The following CDH13 variants were observed in gnomAD, a reference collection of about 807,000 sequenced individuals.
The protein encoded by CDH13 is cadherin-13.
Under a neutral mutation model 63.8 loss-of-function variants are expected in CDH13, and 24 were observed. That is an observed-to-expected ratio of 0.38 (90% CI 0.27 to 0.53). The LOEUF is 0.53. CDH13 is among the 20% of genes least tolerant of loss of function. CDH13 has a pLI of 0.85. For synonymous variants in CDH13, 503 were observed against 355.3 expected (o/e 1.42, Z -4.67); for missense variants, 1,049 against 903.1 (o/e 1.16, Z -2.07).
chr16:83,461,262 G>T (rs1317253372), intron 6 of CDH13, among the ~76,000 whole-genome samples: 1 of 151,934 alleles, frequency 6.6e-6, no homozygotes, highest in Non-Finnish European at 1.5e-5. Context: ...AAAATATATA[G>T]CTTTTAATGG....
intron 5 of CDH13, among the ~76,000 whole-genome samples, chr16:83,222,577 T>C (rs564819717): frequency 2.6e-5 from 4 of 152,180 alleles, no homozygotes; most frequent in Non-Finnish European, 5.9e-5. Context: ...GGGATTGTAC[T>C]ACACCTGATT....
chr16:82,901,818 G>A (rs995269105), intron 2 of CDH13, among the ~76,000 whole-genome samples: 1 of 152,174 alleles, frequency 6.6e-6, no homozygotes, highest in African/African-American at 2.4e-5. Flanking sequence ...CCCTCATGGA[G>A]CCTGAAGTCC....
intron 7 of CDH13, among the ~76,000 whole-genome samples, chr16:83,589,498 C>A (rs1906526567): frequency 6.6e-6 from 1 of 151,722 alleles, no homozygotes; most frequent in African/African-American, 2.4e-5. Flanking sequence ...GGGTGGTCTC[C>A]CCATTTCAAG....
intron 5 of CDH13, among the ~76,000 whole-genome samples, chr16:83,268,577 A>G (rs2088696423): frequency 1.3e-5 from 2 of 152,226 alleles, no homozygotes; most frequent in African/African-American, 4.8e-5. Context: ...GTTGTAGACA[A>G]AGTCTACGTT....
chr16:83,097,559 A>G (rs747559846), intron 3 of CDH13, among the ~76,000 whole-genome samples: 4 of 152,232 alleles, frequency 2.6e-5, no homozygotes, highest in East Asian at 1.9e-4. Context: ...CCAGTAATCA[A>G]TATGGATGCC....
intron 3 of CDH13, among the ~76,000 whole-genome samples, chr16:83,089,743 A>C (rs2033802568): frequency 1.3e-5 from 2 of 152,158 alleles, no homozygotes; most frequent in African/African-American, 2.4e-5. Context: ...TAAGGGCTAC[A>C]CGTCGGAAAT....
At chr16:83,479,657 C>CA (rs34654257) in intron 6 of CDH13, among the ~76,000 whole-genome samples, 150,075 of 150,980 alleles carry the variant, frequency 0.99, 74,588 homozygotes, top group Middle Eastern at 1. Flanking sequence ...ACTCCGTCTC[C>CA]AAAAAAAAAC....
chr16:82,647,228 C>G lies in CDH13; in HGVS notation c.45+20091C>G, dbSNP rs150200490. 7.9e-5 allele frequency among the ~76,000 whole-genome samples: 12 copies of G among 152,266 alleles called. No individual in the cohort carries two copies. The East Asian group carries it at 2.3e-3, about 29-fold the overall frequency. On this transcript the variant is annotated intron_variant, in intron 1 of 13. Coordinates refer to ENST00000567109, the MANE Select transcript of CDH13 (RefSeq NM_001257.5). The stretch of plus-strand genomic sequence containing the variant: ...GGGATTCCAGAGAACCTTGTAAACA[C>G]TTGGTCCAGCAAATAATATGGCCTC...
chr16:83,672,633 C>G (rs1380229855), intron 9 of CDH13, among the ~76,000 whole-genome samples: 2 of 151,818 alleles, frequency 1.3e-5, no homozygotes, highest in African/African-American at 4.8e-5. Flanking sequence ...CCAGGTTGGC[C>G]AGGCTGGTCT....
At chr16:82,861,722 C>T (rs952460634) in intron 2 of CDH13, among the ~76,000 whole-genome samples, 3 of 152,212 alleles carry the variant, frequency 2.0e-5, no homozygotes, top group African/African-American at 7.2e-5. Context: ...ATTTGCTTCA[C>T]ATCTGAATCA....
chr16:83,697,057 A>G (rs1290495971), intron 10 of CDH13, among the ~76,000 whole-genome samples: 1 of 152,218 alleles, frequency 6.6e-6, no homozygotes, highest in African/African-American at 2.4e-5. Context: ...CTGTGCAAAC[A>G]TCATTCCCTC....
chr16:82,983,691 G>C (rs12447176), intron 2 of CDH13, among the ~76,000 whole-genome samples: 2,405 of 152,300 alleles, frequency 0.016, 34 homozygotes, highest in Non-Finnish European at 0.025. Flanking sequence ...AACAGTTCAG[G>C]GGTGTGTGTA....
intron 1 of CDH13, among the ~76,000 whole-genome samples, chr16:82,740,373 C>A (rs979721938): frequency 6.6e-6 from 1 of 152,194 alleles, no homozygotes; most frequent in Non-Finnish European, 1.5e-5. Context: ...ATTGTATTAT[C>A]CCACTTTCCA....
At chr16:83,446,751 CTG>C (rs1205207509) in intron 6 of CDH13, among the ~76,000 whole-genome samples, 3 of 152,022 alleles carry the variant, frequency 2.0e-5, no homozygotes, top group Non-Finnish European at 2.9e-5. Context: ...GGAGAAATGA[CTG>C]GGAAAGGAAC....
intron 1 of CDH13, among the ~76,000 whole-genome samples, chr16:82,851,003 G>A (rs150235678): frequency 7.9e-5 from 12 of 152,252 alleles, no homozygotes; most frequent in South Asian, 2.1e-4. Context: ...TTGTTTTATT[G>A]CTATGGTCTG....
chr16:82,834,383 C>T (rs895512433), intron 1 of CDH13, among the ~76,000 whole-genome samples: 5 of 152,070 alleles, frequency 3.3e-5, no homozygotes, highest in East Asian at 3.9e-4. Flanking sequence ...CTTTATCTGT[C>T]GATTCAAAGA....
intron 7 of CDH13, among the ~76,000 whole-genome samples, chr16:83,552,949 C>T (rs918704216): frequency 2.6e-5 from 4 of 151,944 alleles, no homozygotes; most frequent in African/African-American, 7.3e-5. Context: ...AGTGGTGGCA[C>T]GCACCTGTAA....
At chr16:83,249,212 A>G (rs1361587497) in intron 5 of CDH13, among the ~76,000 whole-genome samples, 2 of 152,224 alleles carry the variant, frequency 1.3e-5, no homozygotes, top group Non-Finnish European at 2.9e-5. Context: ...GACCAGACTA[A>G]GGAGAGAACA....
At chr16:83,489,357 C>T (rs569047851) in intron 7 of CDH13, among the ~76,000 whole-genome samples, 4 of 152,276 alleles carry the variant, frequency 2.6e-5, no homozygotes, top group African/African-American at 9.6e-5. Context: ...AAGATCAACT[C>T]AATTTAACCG....
Sources: gnomAD v4.1 joint callset for allele counts (sites outside exome capture counted in the v4.1 genomes callset) on GRCh38, gnomAD v4.1.1 for gene constraint, MANE v1.5 for transcripts, NCBI Gene and HGNC (gene_info 2026-07-23, HGNC 2026-07-21) for gene names.